Variants in NXN observed in about 807,000 individuals in gnomAD.
NXN encodes the protein nucleoredoxin 1.
Under a neutral mutation model 48.6 loss-of-function variants are expected in NXN, and 16 were observed. That is an observed-to-expected ratio of 0.33 (90% confidence interval 0.22 to 0.50). The LOEUF (loss-of-function observed/expected upper bound fraction) is 0.50, where lower values mean the gene tolerates loss of function less well. NXN is among the 20% of genes least tolerant of loss of function. The probability of loss-of-function intolerance (pLI) is 0.98; values close to 1 mark genes in which losing one functional copy is unlikely to be tolerated. For synonymous variants in NXN, 281 were observed against 269.6 expected, an observed-to-expected ratio of 1.04 and a Z score of -0.41; for missense variants, 492 against 605.5, an observed-to-expected ratio of 0.81 and a Z score of 1.97.
At chr17:803,905 C>G (rs890187658) in intron 6 of NXN, 99 bp from the exon 7 acceptor site, 3 of 1,507,126 alleles carry the variant, frequency 2.0e-6, no homozygotes, top group Non-Finnish European at 2.7e-6. Context: ...CAGAAACGCC[C>G]GCCTGAGCGG....
intron 1 of NXN, among the ~76,000 whole-genome samples, chr17:939,810 C>T (rs887080273): frequency 6.6e-6 from 1 of 152,136 alleles, no homozygotes; most frequent in African/African-American, 2.4e-5. Flanking sequence ...GAGACTGATC[C>T]CCCACATGCT....
chr17:959,187 T>C (rs1597277817), intron 1 of NXN: 8 of 998,288 alleles, frequency 8.0e-6, no homozygotes, highest in South Asian at 7.2e-5. Context: ...CCCCGCCACG[T>C]ACCAGTTCAG....
chr17:897,277 A>G (rs2068496806), intron 1 of NXN, among the ~76,000 whole-genome samples: 1 of 152,236 alleles, frequency 6.6e-6, no homozygotes, highest in African/African-American at 2.4e-5. Flanking sequence ...AGCTGCGTGG[A>G]CATCAAAATG....
chr17:966,411 G>A (rs1156733092), intron 1 of NXN, among the ~76,000 whole-genome samples: 2 of 151,846 alleles, frequency 1.3e-5, no homozygotes, highest in Admixed American at 6.6e-5. Flanking sequence ...GCAGTGGCAC[G>A]AATTTGGCTC....
At chr17:947,365 T>G (rs1289481295) in intron 1 of NXN, among the ~76,000 whole-genome samples, 1 of 152,072 alleles carries the variant, frequency 6.6e-6, no homozygotes, top group Non-Finnish European at 1.5e-5. Context: ...ATTGAGCTGA[T>G]TTTACACAGT....
At position 917,292 on chromosome 17, in the gene NXN, C is replaced by T. The variant is rs1412822924; in HGVS notation, c.360+62027G>A. ...GAGCAGCTGGGACTACAGGCGCCCG[C>T]CACCATGCCCAGCTAATTTTTTGTA... On this transcript the variant is annotated intron_variant, in intron 1 of 7. Coordinates refer to ENST00000336868, the MANE Select transcript of NXN (RefSeq NM_022463.5). The surrounding 1 kb of genome is among the most constrained non-coding windows in gnomAD (Gnocchi z 4.5). 1.3e-5 allele frequency among the ~76,000 whole-genome samples: 2 copies of T among 152,234 alleles called. No homozygotes were observed. The highest frequency in any genetic ancestry group is 3.8e-4 in the East Asian group (2 of 5,200).
At chr17:812,362 G>A (rs1411299655) in intron 5 of NXN, among the ~76,000 whole-genome samples, 1 of 152,220 alleles carries the variant, frequency 6.6e-6, no homozygotes, top group Non-Finnish European at 1.5e-5. Context: ...CTCCCTTTGG[G>A]TGCAGGCAGG....
intron 1 of NXN, among the ~76,000 whole-genome samples, chr17:957,494 T>A (rs2069184330): frequency 6.6e-6 from 1 of 151,938 alleles, no homozygotes; most frequent in Non-Finnish European, 1.5e-5. Context: ...TACCTGAGCG[T>A]GGTGGTGCAC....
chr17:846,561 G>A (rs2083286487), intron 1 of NXN, among the ~76,000 whole-genome samples: 3 of 152,190 alleles, frequency 2.0e-5, no homozygotes, highest in Admixed American at 1.3e-4. Flanking sequence ...CCTGAACAAA[G>A]GGGCACAAAA....
chr17:913,688 A>AC (rs1223226905), intron 1 of NXN, among the ~76,000 whole-genome samples: 1 of 152,062 alleles, frequency 6.6e-6, no homozygotes, highest in East Asian at 1.9e-4. Flanking sequence ...CAATGCAGAG[A>AC]CCGGGACCCT....
chr17:962,209 ACAT>A (rs1338789191), intron 1 of NXN, among the ~76,000 whole-genome samples: 2 of 152,298 alleles, frequency 1.3e-5, no homozygotes, highest in East Asian at 1.9e-4. Flanking sequence ...AAGACTTTTG[ACAT>A]CATATTTGTA....
chr17:927,918 C>T (rs1168907387), intron 1 of NXN, among the ~76,000 whole-genome samples: 1 of 152,052 alleles, frequency 6.6e-6, no homozygotes, highest in Non-Finnish European at 1.5e-5. Flanking sequence ...TCACCAACCC[C>T]AGCTGCTTGT....
At chr17:816,038 A>T (rs993609508) in intron 5 of NXN, among the ~76,000 whole-genome samples, 26 of 152,192 alleles carry the variant, frequency 1.7e-4, no homozygotes, top group African/African-American at 6.3e-4. Flanking sequence ...AAAGGATGGA[A>T]AATCCACAGC....
In NXN at chr17:803,616, G is replaced by A. The variant is rs149934222; in HGVS notation, c.1125+66C>T. 1.3e-3 allele frequency: 2,072 copies of A among 1,603,390 alleles called. 28 individuals are homozygous for A. In the African/African-American group the frequency reaches 0.025, roughly 19 times the overall value. On this transcript the variant is annotated intron_variant, in intron 7 of 7. Coordinates refer to ENST00000336868, the MANE Select transcript of NXN (RefSeq NM_022463.5). ...GTCCTTTCAGGCAACCCTGGGGCCA[G>A]GATCAGTCCTGTGCCAGAAGTCCCA... is the stretch of plus-strand genomic sequence containing the variant.
At chr17:854,225 G>A (rs1170448186) in intron 1 of NXN, among the ~76,000 whole-genome samples, 6 of 152,260 alleles carry the variant, frequency 3.9e-5, no homozygotes, top group Middle Eastern at 3.4e-3. Flanking sequence ...CACCGTACTC[G>A]CTCTTCTCAC....
intron 1 of NXN, among the ~76,000 whole-genome samples, chr17:834,078 G>C (rs1016174749): frequency 1.3e-5 from 2 of 152,204 alleles, no homozygotes; most frequent in Non-Finnish European, 2.9e-5. Context: ...CCAGCACTCT[G>C]GGGGGACGAG....
At chr17:915,431 G>A (rs1344356599) in intron 1 of NXN, among the ~76,000 whole-genome samples, 1 of 152,062 alleles carries the variant, frequency 6.6e-6, no homozygotes, top group Non-Finnish European at 1.5e-5. Flanking sequence ...CTACGGGAGT[G>A]TGCCATCACA....
chr17:972,786 C>T (rs1020470005), intron 1 of NXN, among the ~76,000 whole-genome samples: 2 of 152,206 alleles, frequency 1.3e-5, no homozygotes, highest in African/African-American at 2.4e-5. Context: ...AATCCCAGCA[C>T]TTTGGGAGGC....
intron 1 of NXN, among the ~76,000 whole-genome samples, chr17:886,596 G>C (rs1272311933): frequency 6.6e-6 from 1 of 152,120 alleles, no homozygotes. Context: ...GGCCAATGTG[G>C]TGAAACCCCA....
Sources: allele counts gnomAD v4.1 joint callset (sites outside exome capture counted in the v4.1 genomes callset), GRCh38; gene constraint gnomAD v4.1.1; non-coding constraint Gnocchi (gnomAD v3.1); transcripts MANE v1.5; gene names NCBI Gene and HGNC (gene_info 2026-07-23, HGNC 2026-07-21).